The following ROBO1 variants were observed in gnomAD, a reference collection of about 807,000 sequenced individuals.
ROBO1 encodes the protein roundabout guidance receptor 1, also known as roundabout homolog 1.
A neutral mutation model predicts 195.9 loss-of-function variants in ROBO1; 149 were observed. The ratio of observed to expected loss-of-function variants is 0.76; its 90% CI spans 0.67 to 0.87. The LOEUF is 0.87. Ranked by LOEUF, ROBO1 falls within the 40% of genes least tolerant of loss-of-function variation. The pLI is 0.00. For synonymous variants in ROBO1, 816 were observed against 733.2 expected (o/e 1.11, Z -1.82); for missense variants, 1,933 against 2,068.3 (o/e 0.93, Z 1.27).
At chr3:79,095,433 T>C (rs1354397129) in intron 3 of ROBO1, among the ~76,000 whole-genome samples, 2 of 152,018 alleles carry the variant, frequency 1.3e-5, no homozygotes, top group African/African-American at 2.4e-5. Flanking sequence ...GAGATTTCCA[T>C]GTTTCAAAAA....
In ROBO1 at chr3:79,089,426, T is replaced by A. The variant is rs192770333; in HGVS notation, c.172+36030A>T. Among the ~76,000 whole-genome samples the A allele has an allele frequency of 2.3e-3, 344 of 152,286 alleles. 4 individuals are homozygous for A. Among genetic ancestry groups the A allele is most frequent in the African/African-American group, 7.9e-3 (329 of 41,574 alleles). On this transcript the variant is annotated intron_variant, in intron 3 of 30. Coordinates refer to ENST00000464233, the MANE Select transcript of ROBO1 (RefSeq NM_002941.4). The stretch of plus-strand genomic sequence containing the variant: ...TCAATTTTATTGATATGCCATTATT[T>A]ATTTAACTAACTTTACACTTACAGA...
At chr3:79,492,786 T>A (rs141541391) in intron 2 of ROBO1, among the ~76,000 whole-genome samples, 89 of 152,224 alleles carry the variant, frequency 5.8e-4, no homozygotes, top group South Asian at 5.8e-3. Context: ...ACAAATTTTC[T>A]AATTCTACTG....
chr3:78,627,307 T>C lies in ROBO1; in HGVS notation c.3875+14A>G, dbSNP rs772582532. The C allele has an allele frequency of 1.3e-5, 21 of 1,607,374 alleles. No individual in the cohort carries two copies. The South Asian group carries it at 2.3e-4, about 18-fold the overall frequency. ...TATCTGATTTGTTAGCAAAGAAGGC[T>C]AGTGACAACATACCTCCTGTCGGGC... On this transcript the variant is annotated intron_variant, in intron 26 of 30. Coordinates refer to ENST00000464233, the MANE Select transcript of ROBO1 (RefSeq NM_002941.4).
chr3:78,879,755 A>T (rs2107241571), intron 4 of ROBO1, among the ~76,000 whole-genome samples: 1 of 152,238 alleles, frequency 6.6e-6, no homozygotes, highest in Middle Eastern at 3.4e-3. Flanking sequence ...CCCTTTGGGA[A>T]CTGGCTCTTG....
intron 4 of ROBO1, among the ~76,000 whole-genome samples, chr3:78,878,352 G>A (rs1199744060): frequency 1.3e-5 from 2 of 152,004 alleles, no homozygotes; most frequent in Admixed American, 6.6e-5. Flanking sequence ...TTAGGAGGCT[G>A]AGACGGGTGG....
intron 3 of ROBO1, among the ~76,000 whole-genome samples, chr3:78,992,130 G>A (rs1359796395): frequency 6.6e-6 from 1 of 152,162 alleles, no homozygotes; most frequent in African/African-American, 2.4e-5. Context: ...ACTAATAAGT[G>A]TAAGACTGAA....
intron 26 of ROBO1, 66 bp from the exon 27 acceptor site, chr3:78,618,107 C>T: frequency 6.7e-7 from 1 of 1,482,574 alleles, no homozygotes; most frequent in East Asian, 2.3e-5. Context: ...GACAAATTAC[C>T]CAAGAAATTC....
intron 4 of ROBO1, among the ~76,000 whole-genome samples, chr3:78,832,372 C>T (rs573964414): frequency 9.2e-5 from 14 of 152,124 alleles, no homozygotes; most frequent in African/African-American, 1.9e-4. Flanking sequence ...TATATGCCTC[C>T]GCCTTTAAAG....
intron 1 of ROBO1, among the ~76,000 whole-genome samples, chr3:79,752,158 A>G (rs570494884): frequency 1.3e-5 from 2 of 152,336 alleles, no homozygotes; most frequent in African/African-American, 2.4e-5. Flanking sequence ...TGTAAAGTGA[A>G]TTGCAGAAAT....
At chr3:79,021,731 G>A (rs1180754234) in intron 3 of ROBO1, among the ~76,000 whole-genome samples, 2 of 145,154 alleles carry the variant, frequency 1.4e-5, no homozygotes, top group Non-Finnish European at 3.0e-5. Flanking sequence ...CGCGATCTCG[G>A]CTCACTGCAA....
At chr3:79,391,122 CA>C (rs952765742) in intron 2 of ROBO1, among the ~76,000 whole-genome samples, 5,083 of 100,788 alleles carry the variant, frequency 0.05, 149 homozygotes, top group African/African-American at 0.13. Flanking sequence ...CTGTCTCTAC[CA>C]AAAAAAAAAA....
chr3:78,668,653 G>A, intron 11 of ROBO1, 88 bp from the exon 12 acceptor site: 1 of 1,099,006 alleles, frequency 9.1e-7, no homozygotes, highest in Non-Finnish European at 1.3e-6. Context: ...TATGATCCAT[G>A]AATATGGATA....
In ROBO1 at chr3:79,767,804, C is replaced by T. The variant is rs1705075134; in HGVS notation, c.-103G>A. The T allele has an allele frequency of 6.6e-6, 1 of 152,180 alleles. No homozygotes were observed. Among genetic ancestry groups the T allele is most frequent in the African/African-American group, 2.4e-5 (1 of 41,440 alleles). The allele number at this position is 152,180 out of a possible 1,614,324, so 9.4% of individuals were successfully genotyped here. A position where few individuals can be genotyped will look rare whatever the true frequency, so the allele number is the denominator to read the frequency against. On this transcript the variant is annotated 5_prime_UTR_variant, in exon 1 of 31. Transcript: ENST00000464233. ...TAGAGGCTCCGTAGTGCAGACGCAG[C>T]CCTGCAACTTTGCTGTGCACTGAGA...
intron 2 of ROBO1, among the ~76,000 whole-genome samples, chr3:79,541,794 CAT>C (rs1341911342): frequency 3.5e-5 from 5 of 142,846 alleles, no homozygotes; most frequent in African/African-American, 1.3e-4. Context: ...TATGTATATA[CAT>C]ATATGTGTAT....
intron 2 of ROBO1, among the ~76,000 whole-genome samples, chr3:79,372,331 C>T (rs999445079): frequency 9.2e-5 from 14 of 151,894 alleles, no homozygotes; most frequent in Admixed American, 5.9e-4. Context: ...CTCAGCCTCC[C>T]GAGTAGCTGG....
chr3:79,415,184 T>C (rs2037948204), intron 2 of ROBO1, among the ~76,000 whole-genome samples: 1 of 152,156 alleles, frequency 6.6e-6, no homozygotes, highest in Non-Finnish European at 1.5e-5. Context: ...GCACCTAACA[T>C]GTGCATCTTT....
intron 3 of ROBO1, among the ~76,000 whole-genome samples, chr3:79,079,935 C>T (rs1485742076): frequency 6.6e-6 from 1 of 151,558 alleles, no homozygotes; most frequent in Non-Finnish European, 1.5e-5. Flanking sequence ...TGAAAAATGT[C>T]AGTGTCAAAT....
At chr3:79,754,349 C>G (rs990439309) in intron 1 of ROBO1, among the ~76,000 whole-genome samples, 1 of 152,182 alleles carries the variant, frequency 6.6e-6, no homozygotes, top group Admixed American at 6.5e-5. Context: ...GTGGAAATCA[C>G]TTGTATTCAC....
At chr3:79,490,280 A>G (rs1049255921) in intron 2 of ROBO1, among the ~76,000 whole-genome samples, 1 of 152,184 alleles carries the variant, frequency 6.6e-6, no homozygotes, top group African/African-American at 2.4e-5. Context: ...TCTGGGCTTC[A>G]GTCAAACCTT....
Sources: gnomAD v4.1 joint callset for allele counts (sites outside exome capture counted in the v4.1 genomes callset) on GRCh38, gnomAD v4.1.1 for gene constraint, MANE v1.5 for transcripts, NCBI Gene and HGNC (gene_info 2026-07-23, HGNC 2026-07-21) for gene names.